The following DSE variants were observed in gnomAD, a reference collection of about 807,000 sequenced individuals.
DSE encodes dermatan-sulfate epimerase.
A neutral mutation model predicts 84.4 loss-of-function variants in DSE; 36 were observed. That is an observed-to-expected ratio of 0.43 (90% CI 0.33 to 0.56). The LOEUF (loss-of-function observed/expected upper bound fraction) is 0.56, where lower values mean the gene tolerates loss of function less well. Ranked by LOEUF, DSE falls within the 20% of genes least tolerant of loss-of-function variation. The pLI is 0.06. For synonymous variants in DSE, 410 were observed against 430.1 expected (o/e 0.95, Z 0.58); for missense variants, 862 against 1,169.6 (o/e 0.74, Z 3.84).
At chr6:116,257,079 A>C (rs932662132) in intron 1 of DSE, 1 of 152,234 alleles carries the variant, frequency 6.6e-6, no homozygotes, top group Non-Finnish European at 1.5e-5. Context: ...AAAATTTGTG[A>C]AATATCCCCT....
chr6:116,388,095 A>G (rs942830141), intron 1 of DSE, among the ~76,000 whole-genome samples: 3 of 152,202 alleles, frequency 2.0e-5, no homozygotes, highest in Non-Finnish European at 2.9e-5. Flanking sequence ...CTATATCTAG[A>G]ATTGGCTAGA....
intron 2 of DSE, among the ~76,000 whole-genome samples, chr6:116,283,621 GCAAC>G (rs1322389199): frequency 6.6e-6 from 1 of 151,968 alleles, no homozygotes. Context: ...TTGGCTCACT[GCAAC>G]CTCTGCCTCC....
At chr6:116,415,824 A>G (rs1038301719) in intron 2 of DSE, among the ~76,000 whole-genome samples, 3 of 152,204 alleles carry the variant, frequency 2.0e-5, no homozygotes, top group Middle Eastern at 3.4e-3. Flanking sequence ...CTTTTGTCCT[A>G]TTATGGGATT....
intron 1 of DSE, among the ~76,000 whole-genome samples, chr6:116,383,838 G>A (rs1199293419): frequency 1.3e-5 from 2 of 152,180 alleles, no homozygotes; most frequent in African/African-American, 4.8e-5. Flanking sequence ...CATAATATAT[G>A]TAGTCTCCAG....
chr6:116,407,427 G>T (rs2115014480), intron 2 of DSE, among the ~76,000 whole-genome samples: 1 of 152,230 alleles, frequency 6.6e-6, no homozygotes, highest in South Asian at 2.1e-4. Flanking sequence ...TGTTGATACT[G>T]CCAACTGTAT....
At chr6:116,318,653 G>A (rs897567460) in intron 2 of DSE, among the ~76,000 whole-genome samples, 3 of 152,160 alleles carry the variant, frequency 2.0e-5, no homozygotes, top group Non-Finnish European at 4.4e-5. Context: ...TCAGCTATAC[G>A]TGTCTTTTTA....
chr6:116,444,367 GT>G lies in DSE; in HGVS notation c.*7023del, dbSNP rs1345662766. The G allele has an allele frequency of 2.0e-5, 3 of 152,174 alleles. No homozygotes were observed. The South Asian group carries it at 6.2e-4, about 31-fold the overall frequency. 9.4% of individuals were successfully genotyped at this position (152,174 alleles called of 1,614,324 possible). On this transcript the variant is annotated 3_prime_UTR_variant, in exon 6 of 6. Transcript: ENST00000644252. ...GCAGGGATTGTGTCTCTTGCTCGTT[GT>G]ATATACATGGTTCTTACACAGTGCC... is the stretch of plus-strand genomic sequence containing the variant.
intron 2 of DSE, among the ~76,000 whole-genome samples, chr6:116,276,380 G>A (rs1450092120): frequency 6.6e-6 from 1 of 152,178 alleles, no homozygotes; most frequent in Non-Finnish European, 1.5e-5. Flanking sequence ...CTGAAGGGGA[G>A]GTTGTGCTGC....
intron 2 of DSE, among the ~76,000 whole-genome samples, chr6:116,357,399 G>A (rs1187970928): frequency 6.6e-6 from 1 of 152,098 alleles, no homozygotes; most frequent in Non-Finnish European, 1.5e-5. Flanking sequence ...GGGCATGGTA[G>A]TGGGCACCTG....
chr6:116,400,852 T>A (rs916329986), intron 2 of DSE: 2 of 152,194 alleles, frequency 1.3e-5, no homozygotes, highest in Non-Finnish European at 2.9e-5. Context: ...TATCTGATAT[T>A]TGAATTACCA....
chr6:116,257,719 G>C (rs1257668298), intron 1 of DSE, among the ~76,000 whole-genome samples: 1 of 152,122 alleles, frequency 6.6e-6, no homozygotes, highest in Non-Finnish European at 1.5e-5. Context: ...AGGAGTGAGG[G>C]ATCTCTCTGG....
chr6:116,397,449 C>T (rs1045104165), intron 1 of DSE, among the ~76,000 whole-genome samples: 9 of 152,008 alleles, frequency 5.9e-5, no homozygotes, highest in Admixed American at 2.0e-4. Context: ...TCAAGGGGCC[C>T]GCCCGCCTCC....
intron 1 of DSE, among the ~76,000 whole-genome samples, chr6:116,258,214 C>T (rs983583624): frequency 1.3e-5 from 2 of 151,906 alleles, no homozygotes; most frequent in African/African-American, 2.4e-5. Context: ...CAGGGTTTCA[C>T]CATATTGGCC....
intron 2 of DSE, among the ~76,000 whole-genome samples, chr6:116,403,999 T>C (rs1448186768): frequency 6.6e-6 from 1 of 152,124 alleles, no homozygotes; most frequent in Non-Finnish European, 1.5e-5. Context: ...AAAGGATGGA[T>C]ATATGGGGTA....
chr6:116,339,149 C>G (rs1262269727), intron 2 of DSE, among the ~76,000 whole-genome samples: 1 of 152,164 alleles, frequency 6.6e-6, no homozygotes, highest in Non-Finnish European at 1.5e-5. Flanking sequence ...GTCTGTTCAT[C>G]ATATTCCATG....
At chr6:116,381,676 G>A (rs761986293) in intron 1 of DSE, among the ~76,000 whole-genome samples, 9 of 152,090 alleles carry the variant, frequency 5.9e-5, no homozygotes, top group Non-Finnish European at 1.2e-4. Flanking sequence ...AATATGTAGC[G>A]TAGTTCTTGG....
chr6:116,432,267 A>C (rs1292212140), intron 4 of DSE, among the ~76,000 whole-genome samples: 1 of 152,218 alleles, frequency 6.6e-6, no homozygotes, highest in Non-Finnish European at 1.5e-5. Context: ...GTTTGCTGTG[A>C]GCTGTGTCTG....
intron 2 of DSE, among the ~76,000 whole-genome samples, chr6:116,409,453 A>G (rs947627530): frequency 6.6e-6 from 1 of 151,576 alleles, no homozygotes; most frequent in Non-Finnish European, 1.5e-5. Flanking sequence ...AATTTTTTGT[A>G]TTTTTTTAGT....
chr6:116,315,502 T>G (rs183286602), intron 2 of DSE, among the ~76,000 whole-genome samples: 2 of 152,224 alleles, frequency 1.3e-5, no homozygotes, highest in Admixed American at 1.3e-4. Flanking sequence ...CGATGTTGAA[T>G]GAATGAAGTA....
Sources: gnomAD v4.1 joint callset for allele counts (sites outside exome capture counted in the v4.1 genomes callset) on GRCh38, gnomAD v4.1.1 for gene constraint, MANE v1.5 for transcripts, NCBI Gene and HGNC (gene_info 2026-07-23, HGNC 2026-07-21) for gene names.